The following CUX2 variants were observed in gnomAD, a reference collection of about 807,000 sequenced individuals.
CUX2 encodes homeobox protein cut-like 2.
CUX2 carries 40 observed loss-of-function variants against 144.8 expected under a neutral mutation model. That is an observed-to-expected ratio of 0.28 (90% CI 0.21 to 0.36). CUX2 has a LOEUF of 0.36. Among genes scored for constraint, CUX2 ranks in the 10% least tolerant of loss-of-function variants. The pLI is 1.00. For synonymous variants in CUX2, 827 were observed against 875.6 expected, an observed-to-expected ratio of 0.94 and a Z score of 0.98; for missense variants, 1,615 against 1,994.0, an observed-to-expected ratio of 0.81 and a Z score of 3.62.
chr12:111,282,288 C>G (rs553517197), intron 4 of CUX2, among the ~76,000 whole-genome samples: 1 of 148,950 alleles, frequency 6.7e-6, no homozygotes, highest in African/African-American at 2.5e-5. Context: ...TGCCACTGCA[C>G]TCCAGCCTGG....
rs554759023 is a variant in CUX2, at chr12:111,328,412, G to A, written c.2926+5832G>A. Among the ~76,000 whole-genome samples the A allele has an allele frequency of 9.2e-5, 14 of 152,258 alleles. No individual in the cohort carries two copies. In the East Asian group the frequency reaches 1.4e-3, roughly 15 times the overall value. ...CACGTCCACTGCCAGGCGCAGCCCC[G>A]GGTATAATCGGCGCTACCTACCGTG... On this transcript the variant is annotated intron_variant, in intron 18 of 21. Coordinates refer to ENST00000261726, the MANE Select transcript of CUX2 (RefSeq NM_015267.4).
Position 111,263,939 on chromosome 12 carries a change from T to C in CUX2, c.301+100T>C. On this transcript the variant is annotated intron_variant, in intron 4 of 21. Transcript: ENST00000261726. The surrounding 1 kb of genome is among the most constrained non-coding windows in gnomAD (Gnocchi z 4.0). ...TTGAGGTGGGATGTGGGGACATGCC[T>C]GGGCTCCTGGGTGAGGCCAGGCACT... 1 of 1,141,924 alleles carries C rather than the reference T, an allele frequency of 8.8e-7. No individual in the cohort carries two copies. Among genetic ancestry groups the C allele is most frequent in the Non-Finnish European group, 1.3e-6 (1 of 758,346 alleles). 70.7% of individuals were successfully genotyped at this position (1,141,924 alleles called of 1,614,324 possible).
chr12:111,119,796 G>T (rs1040964885), intron 1 of CUX2, among the ~76,000 whole-genome samples: 3 of 152,172 alleles, frequency 2.0e-5, no homozygotes, highest in Non-Finnish European at 4.4e-5. Context: ...AGTGGCTTGC[G>T]CCTGTAATCC....
rs1871600145 is a variant in CUX2 at position 111,077,408 on chromosome 12, C to T, written c.63+43168C>T. Among the ~76,000 whole-genome samples, 2 of 152,130 alleles carry T rather than the reference C, an allele frequency of 1.3e-5. No homozygotes were observed. The highest frequency in any genetic ancestry group is 1.3e-4 in the Admixed American group (2 of 15,276). ...CGCGGCCATGCCATCGACCTGAACCCCCTGGACTTCTGCCCCCCTGGACTG... is the reference window on the plus strand; with the variant it reads ...CGCGGCCATGCCATCGACCTGAACCTCCTGGACTTCTGCCCCCCTGGACTG... On this transcript the variant is annotated intron_variant, in intron 1 of 21. Coordinates refer to ENST00000261726, the MANE Select transcript of CUX2 (RefSeq NM_015267.4). This position sits in a 1 kb window ranked among gnomAD's most constrained non-coding sequence, Gnocchi z 4.1.
chr12:111,196,011 C>T (rs1444317477), intron 1 of CUX2, among the ~76,000 whole-genome samples: 1 of 152,168 alleles, frequency 6.6e-6, no homozygotes. Context: ...CTTTTCCAGT[C>T]ACTGTCTGAT....
At chr12:111,344,022 C>T (rs1592991399) in intron 21 of CUX2, among the ~76,000 whole-genome samples, 1 of 152,296 alleles carries the variant, frequency 6.6e-6, no homozygotes, top group East Asian at 1.9e-4. Flanking sequence ...CACTGCACTC[C>T]AGCCTGGGTG....
intron 3 of CUX2, among the ~76,000 whole-genome samples, chr12:111,233,025 G>A (rs1282310299): frequency 6.6e-6 from 1 of 152,220 alleles, no homozygotes; most frequent in Non-Finnish European, 1.5e-5. Context: ...CCAGGAGGAA[G>A]TGACCTGTGT....
intron 18 of CUX2, among the ~76,000 whole-genome samples, chr12:111,323,330 G>A (rs12320169): frequency 0.034 from 5,149 of 152,130 alleles, 129 homozygotes; most frequent in African/African-American, 0.059. Context: ...TCACAGAAAC[G>A]AGCCAGGTCA....
At chr12:111,124,319 G>A (rs1300619091) in intron 1 of CUX2, among the ~76,000 whole-genome samples, 5 of 152,220 alleles carry the variant, frequency 3.3e-5, no homozygotes, top group South Asian at 4.1e-4. Flanking sequence ...TTACGCTTAA[G>A]TTCAGTCAAG....
chr12:111,344,889 T>G (rs1888726297), intron 21 of CUX2, among the ~76,000 whole-genome samples: 1 of 152,138 alleles, frequency 6.6e-6, no homozygotes, highest in African/African-American at 2.4e-5. Context: ...ATGAGATTAT[T>G]ATATTAGGTT....
intron 4 of CUX2, among the ~76,000 whole-genome samples, chr12:111,278,412 C>T (rs1353630910): frequency 2.0e-5 from 3 of 152,264 alleles, no homozygotes; most frequent in African/African-American, 4.8e-5. Context: ...CAGAGCAAGA[C>T]CCTGTCTCTA....
chr12:111,207,239 A>G (rs3809291), intron 1 of CUX2, among the ~76,000 whole-genome samples: 27,268 of 152,126 alleles, frequency 0.18, 3,208 homozygotes, highest in East Asian at 0.6. Flanking sequence ...AGGCAATACA[A>G]AAGACATGTT....
intron 1 of CUX2, among the ~76,000 whole-genome samples, chr12:111,045,339 T>C (rs1442045923): frequency 6.6e-6 from 1 of 152,198 alleles, no homozygotes; most frequent in African/African-American, 2.4e-5. Context: ...GGTCATTTAT[T>C]CATTTGATGA....
rs1877700366 is a variant in CUX2 at position 111,160,666 on chromosome 12, T to C, written c.64-53534T>C. Among the ~76,000 whole-genome samples, 1 of 151,924 alleles carries C rather than the reference T, an allele frequency of 6.6e-6. No homozygotes were observed. The highest frequency in any genetic ancestry group is 2.4e-5 in the African/African-American group (1 of 41,318). On this transcript the variant is annotated intron_variant, in intron 1 of 21. Transcript: ENST00000261726. This position sits in a 1 kb window ranked among gnomAD's most constrained non-coding sequence, Gnocchi z 4.1. ...GCCAATGGAGGGCTATGCAGAGGAG[T>C]GACGCAGTCCAGTGGCATTTTCAGG...
At chr12:111,040,239 A>G (rs1869671086) in intron 1 of CUX2, among the ~76,000 whole-genome samples, 1 of 151,890 alleles carries the variant, frequency 6.6e-6, no homozygotes, top group Non-Finnish European at 1.5e-5. Flanking sequence ...CTGAGCTATG[A>G]TCATACCATT....
chr12:111,205,397 C>T (rs1880860413), intron 1 of CUX2, among the ~76,000 whole-genome samples: 2 of 152,184 alleles, frequency 1.3e-5, no homozygotes, highest in Admixed American at 6.5e-5. Flanking sequence ...AGGACATTTG[C>T]TCCCACAAAG....
intron 4 of CUX2, among the ~76,000 whole-genome samples, chr12:111,281,562 A>G (rs183548193): frequency 6.6e-6 from 1 of 152,336 alleles, no homozygotes; most frequent in East Asian, 1.9e-4. Flanking sequence ...CTCACTCACC[A>G]TCATGCCTCC....
intron 4 of CUX2, among the ~76,000 whole-genome samples, chr12:111,264,716 C>G (rs753232988): frequency 2.6e-5 from 4 of 152,172 alleles, no homozygotes; most frequent in Non-Finnish European, 5.9e-5. Context: ...GCACTCCAGC[C>G]TGGATGACAG....
At chr12:111,218,703 C>G (rs1251567206) in intron 3 of CUX2, among the ~76,000 whole-genome samples, 1 of 152,126 alleles carries the variant, frequency 6.6e-6, no homozygotes, top group Non-Finnish European at 1.5e-5. Context: ...CAGTTACCAG[C>G]CCAACCAGAA....
Sources: allele counts gnomAD v4.1 joint callset (sites outside exome capture counted in the v4.1 genomes callset), GRCh38; gene constraint gnomAD v4.1.1; non-coding constraint Gnocchi (gnomAD v3.1); transcripts MANE v1.5; gene names NCBI Gene and HGNC (gene_info 2026-07-23, HGNC 2026-07-21).